NUP107: variants seen among roughly 807,000 people sequenced by gnomAD.
NUP107 encodes the protein nuclear pore complex protein Nup107.
In NUP107, 101 loss-of-function variants were observed where a neutral mutation model predicts 141.0. The ratio of observed to expected loss-of-function variants is 0.72; its 90% CI spans 0.61 to 0.84. The LOEUF is 0.84. Ranked by LOEUF, NUP107 falls within the 40% of genes least tolerant of loss-of-function variation. NUP107 has a pLI of 0.00. For missense variants in NUP107, 941 were observed against 1,102.7 expected (o/e 0.85, Z 2.08); for synonymous variants, 319 against 363.9 (o/e 0.88, Z 1.41).
chr12:68,693,053 A>G (rs1339416162), intron 5 of NUP107, among the ~76,000 whole-genome samples: 1 of 149,730 alleles, frequency 6.7e-6, no homozygotes, highest in Non-Finnish European at 1.5e-5. Flanking sequence ...CCTGGCCGCC[A>G]GCTAATTTTT....
At position 68,714,680 on chromosome 12, in the gene NUP107, G is replaced by A. The variant is rs368455957; in HGVS notation, c.969+872G>A. Among the ~76,000 whole-genome samples the A allele has an allele frequency of 2.6e-5, 4 of 152,296 alleles. No homozygotes were observed. In the East Asian group the frequency reaches 7.7e-4, roughly 29 times the overall value. On this transcript the variant is annotated intron_variant, in intron 11 of 27. Coordinates refer to ENST00000229179, the MANE Select transcript of NUP107 (RefSeq NM_020401.4). ...TTTTCCATTGGAAATCCATCATGTA[G>A]ATCATGTGTGCTGTTTGCTGCTAAA...
rs564840591 is a variant in NUP107, at chr12:68,695,032, G to T, written c.449-1787G>T. Among the ~76,000 whole-genome samples the T allele has an allele frequency of 6.6e-5, 10 of 152,320 alleles. No homozygotes were observed. In the South Asian group the frequency reaches 2.1e-3, roughly 32 times the overall value. ...TAGGAAAATCCAAATCAGAACTACA[G>T]TGAGTTACAAGATACTGCCTTACAC... On this transcript the variant is annotated intron_variant, in intron 5 of 27. Transcript: ENST00000229179.
intron 10 of NUP107, among the ~76,000 whole-genome samples, chr12:68,713,360 G>A (rs1876952788): frequency 7.0e-6 from 1 of 143,636 alleles, no homozygotes; most frequent in Non-Finnish European, 1.5e-5. Flanking sequence ...CGGCAACAGA[G>A]CGAGACCCTG....
At chr12:68,734,134 A>G (rs1047265459) in intron 24 of NUP107, among the ~76,000 whole-genome samples, 9 of 152,144 alleles carry the variant, frequency 5.9e-5, no homozygotes, top group Non-Finnish European at 1.3e-4. Flanking sequence ...AAAATTAGCC[A>G]GGCATGGTAG....
intron 26 of NUP107, among the ~76,000 whole-genome samples, chr12:68,739,140 C>G (rs1204706318): frequency 6.6e-6 from 1 of 152,132 alleles, no homozygotes; most frequent in Non-Finnish European, 1.5e-5. Flanking sequence ...TCATCTCTTT[C>G]AAGAACCTCT....
intron 11 of NUP107, 43 bp downstream of exon 11, chr12:68,713,851 A>T: frequency 3.6e-6 from 5 of 1,407,232 alleles, no homozygotes; most frequent in Admixed American, 2.1e-5. Flanking sequence ...AAGTTAACTG[A>T]TTTTTTTTTT....
chr12:68,722,637 G>A (rs1245607484), intron 17 of NUP107, among the ~76,000 whole-genome samples: 2 of 152,082 alleles, frequency 1.3e-5, no homozygotes, highest in African/African-American at 4.8e-5. Context: ...TTCTCTCCAT[G>A]ATCTTACGAA....
chr12:68,738,602 A>G (rs993490039), intron 26 of NUP107, among the ~76,000 whole-genome samples: 1 of 152,216 alleles, frequency 6.6e-6, no homozygotes, highest in Non-Finnish European at 1.5e-5. Context: ...GCTGTACACA[A>G]TAGCCCTAGC....
chr12:68,741,740 A>C, intron 26 of NUP107, 73 bp from the exon 27 acceptor site: 1 of 1,395,462 alleles, frequency 7.2e-7, no homozygotes, highest in Non-Finnish European at 9.8e-7. Context: ...GGTTTGATTC[A>C]GTACCTGGCT....
intron 8 of NUP107, among the ~76,000 whole-genome samples, chr12:68,707,765 T>C (rs1410880960): frequency 6.6e-6 from 1 of 152,228 alleles, no homozygotes; most frequent in African/African-American, 2.4e-5. Context: ...ATTATTTTTT[T>C]ATCACAGCCA....
At chr12:68,699,364 C>A (rs571475542) in intron 6 of NUP107, among the ~76,000 whole-genome samples, 1 of 152,190 alleles carries the variant, frequency 6.6e-6, no homozygotes, top group Admixed American at 6.5e-5. Flanking sequence ...CAGAGTGAGA[C>A]TCCTCCGTCT....
intron 1 of NUP107, chr12:68,687,453 A>G: frequency 9.4e-7 from 1 of 1,068,540 alleles, no homozygotes. Context: ...CTTTCTGATT[A>G]CAAGTGCCAG....
At chr12:68,731,565 A>G in intron 21 of NUP107, 42 bp from the exon 22 acceptor site, 2 of 1,154,246 alleles carry the variant, frequency 1.7e-6, no homozygotes, top group East Asian at 2.6e-5. Context: ...ATTAGTATCA[A>G]TGATTAATCT....
Position 68,696,580 on chromosome 12 carries a change from G to A in NUP107, c.449-239G>A, listed in dbSNP as rs142095970. Among the ~76,000 whole-genome samples, 466 of 151,856 alleles carry A rather than the reference G, an allele frequency of 3.1e-3. 2 individuals carry two copies. Among genetic ancestry groups the A allele is most frequent in the African/African-American group, 0.011 (455 of 41,400 alleles). ...ATACAAAAATTAGCTGGGCATGGTG[G>A]TACATGCCTGTAATCCCAGCTAGTT... On this transcript the variant is annotated intron_variant, in intron 5 of 27. Transcript: ENST00000229179.
intron 18 of NUP107, 41 bp downstream of exon 18, chr12:68,725,837 G>GTGT (rs1555178666): frequency 1.2e-3 from 760 of 621,264 alleles, no homozygotes; most frequent in South Asian, 1.9e-3. Flanking sequence ...TTTTGTGTGT[G>GTGT]TTTTTTTTTT....
At chr12:68,689,491 T>C (rs1164011434) in intron 2 of NUP107, 42 bp from the exon 3 acceptor site, 2 of 1,104,894 alleles carry the variant, frequency 1.8e-6, no homozygotes, top group Non-Finnish European at 2.7e-6. Context: ...ATTTTAGTGA[T>C]CTCTTTTCTA....
intron 8 of NUP107, among the ~76,000 whole-genome samples, chr12:68,708,720 A>G (rs1286660079): frequency 6.6e-6 from 1 of 152,004 alleles, no homozygotes; most frequent in East Asian, 1.9e-4. Context: ...CGTGGGTTCA[A>G]GTGATTCTCG....
intron 7 of NUP107, among the ~76,000 whole-genome samples, chr12:68,701,912 G>A (rs1238899782): frequency 1.3e-5 from 2 of 151,332 alleles, no homozygotes; most frequent in African/African-American, 4.9e-5. Flanking sequence ...GAGGTTCAAG[G>A]GATTCTCCTG....
At chr12:68,687,165 C>A in intron 1 of NUP107, 92 bp downstream of exon 1, 3 of 1,555,542 alleles carry the variant, frequency 1.9e-6, no homozygotes, top group Non-Finnish European at 2.7e-6. Flanking sequence ...CCAGAAGAAG[C>A]CAAGGAGGTC....
Sources: gnomAD v4.1 joint callset for allele counts (sites outside exome capture counted in the v4.1 genomes callset) on GRCh38, gnomAD v4.1.1 for gene constraint, MANE v1.5 for transcripts, NCBI Gene and HGNC (gene_info 2026-07-23, HGNC 2026-07-21) for gene names.